The following ZCWPW2 variants were observed in gnomAD, a reference collection of about 807,000 sequenced individuals.
ZCWPW2 encodes zinc finger CW-type and PWWP domain containing 2, also known as zinc finger CW-type PWWP domain protein 2.
A neutral mutation model predicts 46.6 loss-of-function variants in ZCWPW2; 45 were observed. The ratio of observed to expected loss-of-function variants is 0.96; its 90% CI spans 0.76 to 1.24. The LOEUF (loss-of-function observed/expected upper bound fraction) is 1.24, where lower values mean the gene tolerates loss of function less well. ZCWPW2 is among the 50% of genes most tolerant of loss of function. The probability of loss-of-function intolerance (pLI) is 0.00; values close to 1 mark genes in which losing one functional copy is unlikely to be tolerated. For missense variants in ZCWPW2, 429 were observed against 403.9 expected (o/e 1.06, Z -0.53); for synonymous variants, 152 against 137.1 (o/e 1.11, Z -0.76).
At chr3:28,434,979 A>G (rs1251849235) in intron 3 of ZCWPW2, 131 bp from the exon 4 acceptor site, 3 of 892,600 alleles carry the variant, frequency 3.4e-6, no homozygotes, top group East Asian at 2.7e-5. Context: ...TTTGAAAGAT[A>G]TAAGTAGGAA....
At chr3:28,361,155 A>G (rs1704925890) in intron 1 of ZCWPW2, among the ~76,000 whole-genome samples, 1 of 152,198 alleles carries the variant, frequency 6.6e-6, no homozygotes, top group Non-Finnish European at 1.5e-5. Flanking sequence ...AGGGATATTC[A>G]ACTAGTACTG....
chr3:28,386,073 T>A, intron 1 of ZCWPW2, among the ~76,000 whole-genome samples: 1 of 152,188 alleles, frequency 6.6e-6, no homozygotes, highest in Non-Finnish European at 1.5e-5. Context: ...TGTTATAAAC[T>A]GAATGTTTGA....
intron 4 of ZCWPW2, among the ~76,000 whole-genome samples, chr3:28,438,792 A>G (rs1410882332): frequency 1.3e-5 from 2 of 152,164 alleles, no homozygotes; most frequent in Non-Finnish European, 2.9e-5. Flanking sequence ...GAGAGTCAAG[A>G]ACATGATGTA....
chr3:28,471,695 A>G (rs1158910974), intron 4 of ZCWPW2, among the ~76,000 whole-genome samples: 1 of 152,176 alleles, frequency 6.6e-6, no homozygotes, highest in Non-Finnish European at 1.5e-5. Context: ...CATGACAAGG[A>G]TGCCCATTGT....
At chr3:28,519,076 T>G (rs12636342) in intron 8 of ZCWPW2, among the ~76,000 whole-genome samples, 3,479 of 152,332 alleles carry the variant, frequency 0.023, 68 homozygotes, top group South Asian at 0.087. Context: ...AATCTAGCAT[T>G]CTATACTTTG....
At chr3:28,367,334 G>C (rs1486490123) in intron 1 of ZCWPW2, among the ~76,000 whole-genome samples, 1 of 152,082 alleles carries the variant, frequency 6.6e-6, no homozygotes, top group Admixed American at 6.6e-5. Flanking sequence ...CAGAGATTCT[G>C]GTATGTTGTG....
At chr3:28,353,269 A>T (rs189620241) in intron 1 of ZCWPW2, among the ~76,000 whole-genome samples, 5 of 152,310 alleles carry the variant, frequency 3.3e-5, no homozygotes. Context: ...TAGTCATTTA[A>T]TGAGGTCACA....
At chr3:28,405,686 G>T (rs1004113409) in intron 2 of ZCWPW2, among the ~76,000 whole-genome samples, 1 of 152,092 alleles carries the variant, frequency 6.6e-6, no homozygotes, top group African/African-American at 2.4e-5. Context: ...GTGTTGGCCA[G>T]GCTGGTCTCT....
At chr3:28,446,094 C>T (rs1228413360) in intron 4 of ZCWPW2, among the ~76,000 whole-genome samples, 1 of 151,990 alleles carries the variant, frequency 6.6e-6, no homozygotes, top group Non-Finnish European at 1.5e-5. Context: ...CTTAATACCC[C>T]ATTCTCAGTA....
intron 2 of ZCWPW2, among the ~76,000 whole-genome samples, chr3:28,407,823 T>C (rs1335771274): frequency 1.3e-5 from 2 of 152,328 alleles, no homozygotes; most frequent in East Asian, 3.9e-4. Context: ...CATTTGTCAT[T>C]GTCTTTATGA....
At chr3:28,453,797 A>ATATT (rs202155639) in intron 4 of ZCWPW2, among the ~76,000 whole-genome samples, 14,679 of 148,092 alleles carry the variant, frequency 0.099, 1,978 homozygotes, top group African/African-American at 0.3. Flanking sequence ...ATAATTGTGT[A>ATATT]TATTTATTTA....
intron 3 of ZCWPW2, among the ~76,000 whole-genome samples, chr3:28,434,814 C>T (rs185770318): frequency 6.6e-6 from 1 of 152,230 alleles, no homozygotes; most frequent in African/African-American, 2.4e-5. Context: ...TTTCTATCAT[C>T]AGTGCCTAAA....
Position 28,514,057 on chromosome 3 carries a change from G to T in ZCWPW2, c.658-7G>T. 1 of 1,499,574 alleles carries T rather than the reference G, an allele frequency of 6.7e-7. No individual in the cohort carries two copies. The highest frequency in any genetic ancestry group is 9.1e-7 in the Non-Finnish European group (1 of 1,098,624). 92.9% of individuals were successfully genotyped at this position (1,499,574 alleles called of 1,614,324 possible). A position where few individuals can be genotyped will look rare whatever the true frequency, so the allele number is the denominator to read the frequency against. ...AACTAACTCATATTTTTGTTTTTGT[G>T]TTATAGAAGCAGACTTCTAAAAATA... On this transcript the variant is annotated splice_polypyrimidine_tract_variant and splice_region_variant and intron_variant, in intron 6 of 9. Transcript: ENST00000383768.
chr3:28,423,930 G>T (rs1016941112), intron 3 of ZCWPW2, among the ~76,000 whole-genome samples: 1 of 151,832 alleles, frequency 6.6e-6, no homozygotes, highest in Non-Finnish European at 1.5e-5. Flanking sequence ...TCCTATTTTG[G>T]TGTTCATGTG....
chr3:28,439,726 T>C (rs1317222538), intron 4 of ZCWPW2, among the ~76,000 whole-genome samples: 2 of 152,186 alleles, frequency 1.3e-5, no homozygotes, highest in East Asian at 3.9e-4. Flanking sequence ...AAGTTAACAA[T>C]ACCTAAATGC....
At chr3:28,382,480 A>G (rs1244965829) in intron 1 of ZCWPW2, among the ~76,000 whole-genome samples, 5 of 152,312 alleles carry the variant, frequency 3.3e-5, no homozygotes, top group Non-Finnish European at 7.4e-5. Context: ...AAGTAGAGTA[A>G]TATTCTGAGT....
chr3:28,440,494 C>G (rs186876570), intron 4 of ZCWPW2, among the ~76,000 whole-genome samples: 3 of 152,162 alleles, frequency 2.0e-5, no homozygotes, highest in Non-Finnish European at 4.4e-5. Context: ...GAAACAGTAC[C>G]ATATAATGGA....
chr3:28,457,121 C>T (rs527804989), intron 4 of ZCWPW2, among the ~76,000 whole-genome samples: 36 of 152,250 alleles, frequency 2.4e-4, no homozygotes, highest in African/African-American at 7.9e-4. Flanking sequence ...AGGTCCGGTC[C>T]ATGAATTAGG....
At position 28,453,990 on chromosome 3, in the gene ZCWPW2, A is replaced by G. The variant is rs865856771; in HGVS notation, c.492+18721A>G. 2.4e-3 allele frequency among the ~76,000 whole-genome samples: 367 copies of G among 151,252 alleles called. 1 individual carries two copies. Among genetic ancestry groups the G allele is most frequent in the African/African-American group, 8.0e-3 (332 of 41,346 alleles). On this transcript the variant is annotated intron_variant, in intron 4 of 9. Transcript: ENST00000383768. ...CTCCCGAGTATCTGGGACTACAGGC[A>G]CCCGCCACCACGCCCGGCTAATTTT...
Sources: gnomAD v4.1 joint callset for allele counts (sites outside exome capture counted in the v4.1 genomes callset) on GRCh38, gnomAD v4.1.1 for gene constraint, MANE v1.5 for transcripts, NCBI Gene and HGNC (gene_info 2026-07-23, HGNC 2026-07-21) for gene names.